SLC24A2: variants seen among roughly 807,000 people sequenced by gnomAD.
The protein encoded by SLC24A2 is solute carrier family 24 member 2.
SLC24A2 carries 36 observed loss-of-function variants against 62.0 expected under a neutral mutation model. That is an observed-to-expected ratio of 0.58 (90% confidence interval 0.44 to 0.77). The LOEUF is 0.77. Ranked by LOEUF, SLC24A2 falls within the 30% of genes least tolerant of loss-of-function variation. The pLI is 0.00. For synonymous variants in SLC24A2, 358 were observed against 294.0 expected, an observed-to-expected ratio of 1.22 and a Z score of -2.23; for missense variants, 846 against 817.9, an observed-to-expected ratio of 1.03 and a Z score of -0.42.
chr9:19,547,172 G>A (rs1312048840), intron 8 of SLC24A2, among the ~76,000 whole-genome samples: 1 of 152,062 alleles, frequency 6.6e-6, no homozygotes, highest in Non-Finnish European at 1.5e-5. Context: ...GAAGGAAGTT[G>A]AAAAAAACCA....
the SLC24A2 span, among the ~76,000 whole-genome samples, chr9:20,096,042 G>T: frequency 1.3e-5 from 2 of 152,032 alleles, no homozygotes; most frequent in African/African-American, 4.8e-5. Flanking sequence ...TGAGATGTAG[G>T]TGGGAACACA....
At chr9:19,873,582 C>A in the SLC24A2 span, among the ~76,000 whole-genome samples, 1 of 149,044 alleles carries the variant, frequency 6.7e-6, no homozygotes, top group Admixed American at 6.8e-5. Flanking sequence ...CCTTTCCTTT[C>A]CTTCCCTTTC....
chr9:19,732,624 A>G (rs1312839302), intron 2 of SLC24A2, among the ~76,000 whole-genome samples: 1 of 152,180 alleles, frequency 6.6e-6, no homozygotes, highest in Non-Finnish European at 1.5e-5. Context: ...ATACATTAGT[A>G]TATAATCCTA....
At chr9:20,142,222 A>C in the SLC24A2 span, among the ~76,000 whole-genome samples, 1 of 152,128 alleles carries the variant, frequency 6.6e-6, no homozygotes, top group Non-Finnish European at 1.5e-5. Flanking sequence ...AGGAAAGAAT[A>C]CTTACCTGCT....
the SLC24A2 span, among the ~76,000 whole-genome samples, chr9:20,280,880 G>C: frequency 1.6e-4 from 24 of 152,162 alleles, no homozygotes; most frequent in Non-Finnish European, 3.1e-4. Flanking sequence ...CAGAATCCAA[G>C]GGAGGCCTGG....
chr9:19,568,134 G>A (rs1306636595), intron 7 of SLC24A2, among the ~76,000 whole-genome samples: 1 of 152,066 alleles, frequency 6.6e-6, no homozygotes, highest in Non-Finnish European at 1.5e-5. Flanking sequence ...CAACTCAAAA[G>A]GAAATAAAAC....
the SLC24A2 span, among the ~76,000 whole-genome samples, chr9:19,971,556 A>T: frequency 6.6e-6 from 1 of 152,160 alleles, no homozygotes; most frequent in African/African-American, 2.4e-5. Flanking sequence ...ACTCAGGGAA[A>T]AGCAGTGTCT....
chr9:19,807,159 A>C, the SLC24A2 span, among the ~76,000 whole-genome samples: 1 of 152,220 alleles, frequency 6.6e-6, no homozygotes, highest in African/African-American at 2.4e-5. Flanking sequence ...TTTTGGAAAC[A>C]ATCCTGCTGA....
At chr9:19,530,475 AATT>A (rs1425542588) in intron 8 of SLC24A2, among the ~76,000 whole-genome samples, 1 of 152,200 alleles carries the variant, frequency 6.6e-6, no homozygotes, top group Non-Finnish European at 1.5e-5. Flanking sequence ...CTAAATGTAT[AATT>A]ATTATTTTAA....
intron 2 of SLC24A2, among the ~76,000 whole-genome samples, chr9:19,664,997 C>T (rs910433490): frequency 5.3e-5 from 8 of 152,164 alleles, no homozygotes; most frequent in Non-Finnish European, 1.0e-4. Flanking sequence ...AAAACAAATA[C>T]GCCTTGTAAC....
the SLC24A2 span, among the ~76,000 whole-genome samples, chr9:19,934,347 G>A: frequency 1.3e-5 from 2 of 152,182 alleles, no homozygotes; most frequent in African/African-American, 4.8e-5. This position sits in a 1 kb window ranked among gnomAD's most constrained non-coding sequence, Gnocchi z 4.1. Context: ...GTGGCTTCAT[G>A]TCTCAGCGTC....
chr9:20,232,840 C>G, the SLC24A2 span, among the ~76,000 whole-genome samples: 3 of 152,028 alleles, frequency 2.0e-5, no homozygotes, highest in Admixed American at 6.6e-5. Flanking sequence ...TTAGATCTTT[C>G]CTGCTTTCTC....
At chr9:19,982,797 T>C in the SLC24A2 span, among the ~76,000 whole-genome samples, 37,744 of 152,038 alleles carry the variant, frequency 0.25, 5,788 homozygotes, top group South Asian at 0.4. Context: ...ACAGAAGAAA[T>C]CTGAGAACAT....
At chr9:20,017,554 C>T in the SLC24A2 span, among the ~76,000 whole-genome samples, 1 of 152,040 alleles carries the variant, frequency 6.6e-6, no homozygotes, top group Non-Finnish European at 1.5e-5. Context: ...CTCATATGAT[C>T]ACAAGATAAA....
the SLC24A2 span, among the ~76,000 whole-genome samples, chr9:19,797,667 G>C: frequency 5.9e-5 from 9 of 152,194 alleles, no homozygotes; most frequent in Non-Finnish European, 8.8e-5. Context: ...CCAGCAGTAT[G>C]AGAGCTGAGC....
the SLC24A2 span, among the ~76,000 whole-genome samples, chr9:20,263,861 G>GCCCC: frequency 3.6e-3 from 110 of 30,824 alleles, no homozygotes; most frequent in African/African-American, 0.011. Flanking sequence ...TATCCCACCC[G>GCCCC]CCCCCCCCCC....
chr9:20,139,923 A>C, the SLC24A2 span, among the ~76,000 whole-genome samples: 1 of 152,352 alleles, frequency 6.6e-6, no homozygotes, highest in African/African-American at 2.4e-5. Flanking sequence ...GACCCAGCTA[A>C]GGAGCCCCTT....
chr9:20,282,392 A>G, the SLC24A2 span, among the ~76,000 whole-genome samples: 4 of 152,336 alleles, frequency 2.6e-5, no homozygotes, highest in South Asian at 6.2e-4. Flanking sequence ...ACAAAATCCA[A>G]TATTTATACA....
intron 5 of SLC24A2, among the ~76,000 whole-genome samples, chr9:19,581,531 A>T (rs938272498): frequency 6.6e-6 from 1 of 152,160 alleles, no homozygotes; most frequent in Non-Finnish European, 1.5e-5. Flanking sequence ...ATGGGTTAAT[A>T]CCCATTGCAT....
Sources: allele counts gnomAD v4.1 joint callset (sites outside exome capture counted in the v4.1 genomes callset), GRCh38; gene constraint gnomAD v4.1.1; non-coding constraint Gnocchi (gnomAD v3.1); transcripts MANE v1.5; gene names NCBI Gene and HGNC (gene_info 2026-07-23, HGNC 2026-07-21).